SEPTIN9: variants seen among roughly 807,000 people sequenced by gnomAD.
SEPTIN9 encodes the protein septin-9.
A neutral mutation model predicts 56.6 loss-of-function variants in SEPTIN9; 13 were observed. The ratio of observed to expected loss-of-function variants is 0.23; its 90% CI spans 0.15 to 0.37. The LOEUF is 0.37. Ranked by LOEUF, SEPTIN9 falls within the 10% of genes least tolerant of loss-of-function variation. The pLI, the probability that SEPTIN9 is intolerant of heterozygous loss-of-function variation, is 1.00. For synonymous variants in SEPTIN9, 332 were observed against 334.1 expected, an observed-to-expected ratio of 0.99 and a Z score of 0.07; for missense variants, 650 against 823.1, an observed-to-expected ratio of 0.79 and a Z score of 2.57.
intron 2 of SEPTIN9, among the ~76,000 whole-genome samples, chr17:77,343,711 G>A (rs913567945): frequency 1.3e-5 from 2 of 152,190 alleles, no homozygotes; most frequent in African/African-American, 4.8e-5. Context: ...ACTAACTCTG[G>A]TTGGTGTCAG....
At chr17:77,454,493 G>A (rs1233699110) in intron 3 of SEPTIN9, 2 of 534,822 alleles carry the variant, frequency 3.7e-6, no homozygotes, top group Non-Finnish European at 4.8e-6. Context: ...GGGAAGGCGC[G>A]GGTCTAATTA....
At chr17:77,328,427 G>A (rs865841119) in intron 2 of SEPTIN9, among the ~76,000 whole-genome samples, 14 of 152,192 alleles carry the variant, frequency 9.2e-5, no homozygotes, top group Non-Finnish European at 2.1e-4. Flanking sequence ...GTGCAGTGGC[G>A]CCATCTCGCC....
intron 3 of SEPTIN9, among the ~76,000 whole-genome samples, chr17:77,481,340 G>A (rs1474284658): frequency 6.6e-6 from 1 of 152,250 alleles, no homozygotes; most frequent in African/African-American, 2.4e-5. Context: ...GCCCGTGGGC[G>A]CTGGCCAGGC....
chr17:77,378,246 G>T (rs1370967986), intron 2 of SEPTIN9, among the ~76,000 whole-genome samples: 1 of 152,206 alleles, frequency 6.6e-6, no homozygotes, highest in Non-Finnish European at 1.5e-5. Flanking sequence ...AGTGGACAGA[G>T]TTTGCATCCA....
intron 2 of SEPTIN9, among the ~76,000 whole-genome samples, chr17:77,377,540 C>A (rs2034976189): frequency 6.6e-6 from 1 of 151,974 alleles, no homozygotes; most frequent in Non-Finnish European, 1.5e-5. Flanking sequence ...GTGCTCAGAT[C>A]CCAGAGCTGT....
intron 3 of SEPTIN9, among the ~76,000 whole-genome samples, chr17:77,459,059 ACGGTCGGCC>A (rs2038342571): frequency 6.6e-6 from 1 of 152,186 alleles, no homozygotes; most frequent in Non-Finnish European, 1.5e-5. Flanking sequence ...GAACGGGGCC[ACGGTCGGCC>A]CCACACGTGG....
intron 3 of SEPTIN9, among the ~76,000 whole-genome samples, chr17:77,411,600 C>T (rs2036303363): frequency 6.6e-6 from 1 of 151,452 alleles, no homozygotes; most frequent in African/African-American, 2.4e-5. Context: ...CGGGGTTTCA[C>T]CATGTTGGCC....
intron 2 of SEPTIN9, chr17:77,373,343 T>G: frequency 8.5e-7 from 1 of 1,177,846 alleles, no homozygotes; most frequent in Non-Finnish European, 1.0e-6. Flanking sequence ...CCCCATTCAT[T>G]CAGCTGAGCC....
intron 3 of SEPTIN9, among the ~76,000 whole-genome samples, chr17:77,441,860 A>G (rs1285861518): frequency 6.6e-6 from 1 of 152,132 alleles, no homozygotes; most frequent in African/African-American, 2.4e-5. Context: ...CTGCTTTCAT[A>G]GACTTTGAGA....
intron 1 of SEPTIN9, chr17:77,294,475 T>C (rs181861926): frequency 5.3e-4 from 87 of 164,824 alleles, no homozygotes; most frequent in Non-Finnish European, 8.4e-4. Flanking sequence ...AAATTTTGTT[T>C]TTATTTTTGG....
chr17:77,447,700 C>T (rs2144383175), intron 3 of SEPTIN9, among the ~76,000 whole-genome samples: 4 of 152,372 alleles, frequency 2.6e-5, no homozygotes, highest in South Asian at 4.1e-4. Context: ...TCTCAGCTCA[C>T]CGCAACCTCC....
intron 2 of SEPTIN9, among the ~76,000 whole-genome samples, chr17:77,320,894 T>C (rs996797792): frequency 1.3e-5 from 2 of 152,320 alleles, no homozygotes; most frequent in African/African-American, 4.8e-5. Flanking sequence ...TGTGTGTGCA[T>C]GTGTGTGCGT....
rs568832904 is a variant in SEPTIN9, at chr17:77,340,392, C to T, written c.76+33195C>T. On this transcript the variant is annotated intron_variant, in intron 2 of 11. Coordinates refer to ENST00000427177, the MANE Select transcript of SEPTIN9 (RefSeq NM_001113491.2). The stretch of plus-strand genomic sequence containing the variant: ...CTGACCTCAAGTGATCCCCCCGCCC[C>T]AGCCTTCAAAAGTGCTGGGATTACA... Among the ~76,000 whole-genome samples, 7 of 152,256 alleles carry T rather than the reference C, an allele frequency of 4.6e-5. No homozygotes were observed. The South Asian group carries it at 8.3e-4, about 18-fold the overall frequency.
At chr17:77,304,515 T>A (rs1242924581) in intron 1 of SEPTIN9, among the ~76,000 whole-genome samples, 1 of 152,134 alleles carries the variant, frequency 6.6e-6, no homozygotes, top group Non-Finnish European at 1.5e-5. Context: ...TCTATTTTCC[T>A]TTTGCCTGGT....
At position 77,310,578 on chromosome 17, in the gene SEPTIN9, C is replaced by T. The variant is rs947601494; in HGVS notation, c.76+3381C>T. Among the ~76,000 whole-genome samples the T allele has an allele frequency of 8.7e-6, 1 of 115,016 alleles. No individual in the cohort carries two copies. The highest frequency in any genetic ancestry group is 3.9e-5 in the African/African-American group (1 of 25,922). 75.5% of individuals were successfully genotyped at this position (115,016 alleles called of 152,430 possible). A position where few individuals can be genotyped will look rare whatever the true frequency, so the allele number is the denominator to read the frequency against. ...TCTCTGTTACTAGTGCTGCCGGGAA[C>T]GTGTGTTTCCCCAGGTGGATTTGGC... is the stretch of plus-strand genomic sequence containing the variant. On this transcript the variant is annotated intron_variant, in intron 2 of 11. Transcript: ENST00000427177. The surrounding 1 kb of genome is among the most constrained non-coding windows in gnomAD (Gnocchi z 4.7).
intron 2 of SEPTIN9, among the ~76,000 whole-genome samples, chr17:77,378,320 T>A (rs2035007032): frequency 2.0e-5 from 3 of 152,110 alleles, no homozygotes. Flanking sequence ...CCGCCCTCAC[T>A]CTGCCATTGG....
intron 3 of SEPTIN9, among the ~76,000 whole-genome samples, chr17:77,467,198 C>G (rs1173411175): frequency 6.6e-6 from 1 of 152,366 alleles, no homozygotes; most frequent in Non-Finnish European, 1.5e-5. Context: ...TCAGAAGATG[C>G]TAGCTCTCCG....
Position 77,425,943 on chromosome 17 carries a change from G to A in SEPTIN9, c.721+23240G>A, listed in dbSNP as rs1254960030. ...TGCCGGCCCCGCAGGGCCCTGTGCAGAGGGGAGTGTGTGCGGCTGTGAGTT... is the reference window on the plus strand; with the variant it reads ...TGCCGGCCCCGCAGGGCCCTGTGCAAAGGGGAGTGTGTGCGGCTGTGAGTT... On this transcript the variant is annotated intron_variant, in intron 3 of 11. Transcript: ENST00000427177. The surrounding 1 kb of genome is among the most constrained non-coding windows in gnomAD (Gnocchi z 4.2). 6.6e-6 allele frequency among the ~76,000 whole-genome samples: 1 copy of A among 152,230 alleles called. No individual in the cohort carries two copies. Among genetic ancestry groups the A allele is most frequent in the East Asian group, 1.9e-4 (1 of 5,190 alleles).
At position 77,346,278 on chromosome 17, in the gene SEPTIN9, CTTTTTTTTTTTTTTTTT is replaced by C. The variant is rs577131369; in HGVS notation, c.76+39094_76+39110del. Reference sequence around the variant, plus strand: ...AGATTCTTAAAGCAGATCCTTAGGTCTTTTTTTTTTTTTTTTTTTTTTTTTTTTTACTTCTTTTCTAA... The same window carrying C: ...AGATTCTTAAAGCAGATCCTTAGGTCTTTTTTTTTTTTACTTCTTTTCTAA... On this transcript the variant is annotated intron_variant, in intron 2 of 11. Transcript: ENST00000427177. 8.6e-5 allele frequency among the ~76,000 whole-genome samples: 4 copies of C among 46,318 alleles called. 1 individual carries two copies. Among genetic ancestry groups the C allele is most frequent in the African/African-American group, 3.1e-4 (4 of 13,042 alleles). The allele number at this position is 46,318 out of a possible 152,430, so 30.4% of individuals were successfully genotyped here.
Sources: allele counts gnomAD v4.1 joint callset (sites outside exome capture counted in the v4.1 genomes callset), GRCh38; gene constraint gnomAD v4.1.1; non-coding constraint Gnocchi (gnomAD v3.1); transcripts MANE v1.5; gene names NCBI Gene and HGNC (gene_info 2026-07-23, HGNC 2026-07-21).